Variants in OSBPL10 observed in about 807,000 individuals in gnomAD.
The protein encoded by OSBPL10 is oxysterol-binding protein-related protein 10.
OSBPL10 carries 49 observed loss-of-function variants against 81.7 expected under a neutral mutation model. That is an observed-to-expected ratio of 0.60 (90% CI 0.48 to 0.76). The LOEUF is 0.76. Among genes scored for constraint, OSBPL10 ranks in the 30% least tolerant of loss-of-function variants. The pLI, the probability that OSBPL10 is intolerant of heterozygous loss-of-function variation, is 0.00. For synonymous variants in OSBPL10, 419 were observed against 383.6 expected (o/e 1.09, Z -1.08); for missense variants, 923 against 987.8 (o/e 0.93, Z 0.88).
chr3:31,823,095 A>G (rs1700019884), intron 4 of OSBPL10, among the ~76,000 whole-genome samples: 1 of 152,122 alleles, frequency 6.6e-6, no homozygotes, highest in African/African-American at 2.4e-5. Context: ...ACTTTTCCCC[A>G]TGGTCACATA....
At chr3:31,910,602 C>A (rs1398356814) in intron 1 of OSBPL10, among the ~76,000 whole-genome samples, 2 of 151,720 alleles carry the variant, frequency 1.3e-5, no homozygotes, top group Non-Finnish European at 2.9e-5. Flanking sequence ...TGCCACTGCA[C>A]TCCAGTCTGG....
rs149669031 is a variant in OSBPL10 at position 31,831,758 on chromosome 3, C to G, written c.538-1527G>C. 3.9e-5 allele frequency among the ~76,000 whole-genome samples: 6 copies of G among 152,304 alleles called. No homozygotes were observed. In the East Asian group the frequency reaches 5.8e-4, roughly 15 times the overall value. On this transcript the variant is annotated intron_variant, in intron 3 of 11. Coordinates refer to ENST00000396556, the MANE Select transcript of OSBPL10 (RefSeq NM_017784.5). ...AGTACACAATCTGTCAACAGGGCCA[C>G]AGAGAAACGAGTTTGTGGAGGTAAA...
chr3:31,933,159 G>T (rs1697294860), intron 1 of OSBPL10, among the ~76,000 whole-genome samples: 1 of 152,120 alleles, frequency 6.6e-6, no homozygotes, highest in Non-Finnish European at 1.5e-5. Flanking sequence ...TCACTGAAAT[G>T]AGTTGTGTAA....
upstream of OSBPL10, among the ~76,000 whole-genome samples, chr3:31,983,899 C>T (rs1044001194): frequency 4.6e-5 from 7 of 152,144 alleles, no homozygotes; most frequent in African/African-American, 1.4e-4. Context: ...GCTTGTTACC[C>T]GGAAAAGCCA....
chr3:31,790,753 A>G (rs1324281198), intron 4 of OSBPL10, among the ~76,000 whole-genome samples: 1 of 152,104 alleles, frequency 6.6e-6, no homozygotes, highest in Non-Finnish European at 1.5e-5. Flanking sequence ...CCCTGATAAT[A>G]AACACCACAC....
chr3:32,051,079 T>C (rs1575092808), intron 1 of OSBPL10, among the ~76,000 whole-genome samples: 2 of 152,226 alleles, frequency 1.3e-5, no homozygotes, highest in South Asian at 4.1e-4. Context: ...CTCTTGTTTT[T>C]CTGGAAAAGA....
At chr3:31,930,077 A>C (rs147718135) in intron 1 of OSBPL10, among the ~76,000 whole-genome samples, 3 of 151,186 alleles carry the variant, frequency 2.0e-5, no homozygotes, top group Non-Finnish European at 4.4e-5. Flanking sequence ...AAGCCAAGGC[A>C]GGGGATCACT....
intron 1 of OSBPL10, among the ~76,000 whole-genome samples, chr3:31,963,116 C>G (rs1056860509): frequency 6.6e-6 from 1 of 152,042 alleles, no homozygotes; most frequent in African/African-American, 2.4e-5. Context: ...TCCTCTATCT[C>G]CCTTCACACA....
chr3:31,808,699 A>G (rs1261396407), intron 4 of OSBPL10, among the ~76,000 whole-genome samples: 1 of 152,280 alleles, frequency 6.6e-6, no homozygotes, highest in Admixed American at 6.5e-5. Flanking sequence ...CCTTTCCGAT[A>G]TTCCTAACTA....
At chr3:31,926,289 G>GCCTCC (rs1553641094) in intron 1 of OSBPL10, among the ~76,000 whole-genome samples, 1 of 130,114 alleles carries the variant, frequency 7.7e-6, no homozygotes, top group Non-Finnish European at 1.6e-5. Context: ...GGGTGATTTT[G>GCCTCC]CCCCCCCAGA....
At chr3:31,935,506 T>C (rs1008789522) in intron 1 of OSBPL10, among the ~76,000 whole-genome samples, 20 of 147,962 alleles carry the variant, frequency 1.4e-4, no homozygotes, top group African/African-American at 4.9e-4. Flanking sequence ...TCTACTCCTA[T>C]GAAATAGATT....
chr3:31,668,500 T>A (rs1575463038), intron 10 of OSBPL10, 142 bp downstream of exon 10: 1 of 738,450 alleles, frequency 1.4e-6, no homozygotes, highest in Non-Finnish European at 2.0e-6. Flanking sequence ...AGTAGAAAAT[T>A]AAAATATCTA....
At chr3:31,674,665 C>T (rs1331146354) in intron 8 of OSBPL10, among the ~76,000 whole-genome samples, 2 of 152,172 alleles carry the variant, frequency 1.3e-5, no homozygotes, top group East Asian at 1.9e-4. Context: ...CTTGCTTCTG[C>T]TCTTGCCATG....
intron 6 of OSBPL10, among the ~76,000 whole-genome samples, chr3:31,732,016 C>G (rs969462639): frequency 1.3e-5 from 2 of 152,002 alleles, no homozygotes; most frequent in Non-Finnish European, 2.9e-5. Flanking sequence ...TGTGATAGCC[C>G]CAGTTAGGTT....
chr3:31,683,226 T>C (rs1004931150), intron 8 of OSBPL10, among the ~76,000 whole-genome samples: 6 of 152,238 alleles, frequency 3.9e-5, no homozygotes, highest in Non-Finnish European at 8.8e-5. Context: ...AGATTTTGAA[T>C]AGGCAGCATG....
rs151118978 is a variant in OSBPL10, at chr3:31,866,100, G to C, written c.537+10333C>G. 5.4e-3 allele frequency among the ~76,000 whole-genome samples: 826 copies of C among 152,254 alleles called. 5 individuals are homozygous for C. The highest frequency in any genetic ancestry group is 9.6e-3 in the Non-Finnish European group (654 of 68,022). On this transcript the variant is annotated intron_variant, in intron 3 of 11. Transcript: ENST00000396556. Reference sequence around the variant, plus strand: ...ACACCCCAGGGCGGGAAAAAGTCAAGAAAGTTGTAGTCTTTCACCATCAGA... The same window carrying C: ...ACACCCCAGGGCGGGAAAAAGTCAACAAAGTTGTAGTCTTTCACCATCAGA...
rs552091927 is a variant in OSBPL10 at position 31,916,206 on chromosome 3, G to C, written c.282-36376C>G. Among the ~76,000 whole-genome samples, 6 of 152,140 alleles carry C rather than the reference G, an allele frequency of 3.9e-5. No individual in the cohort carries two copies. The South Asian group carries it at 1.0e-3, about 26-fold the overall frequency. Reference sequence around the variant, plus strand: ...ATACTGATCAAATTCTATCCAAAAGGCTATAGCACACAAACATGGATGCAC... The same window carrying C: ...ATACTGATCAAATTCTATCCAAAAGCCTATAGCACACAAACATGGATGCAC... On this transcript the variant is annotated intron_variant, in intron 1 of 11. Coordinates refer to ENST00000396556, the MANE Select transcript of OSBPL10 (RefSeq NM_017784.5).
intron 2 of OSBPL10, among the ~76,000 whole-genome samples, chr3:32,043,476 C>T (rs903731749): frequency 6.6e-6 from 1 of 152,128 alleles, no homozygotes; most frequent in African/African-American, 2.4e-5. Context: ...ACATCCTCAG[C>T]TTACGAAGAT....
At chr3:31,669,924 G>A (rs950006873) in intron 9 of OSBPL10, among the ~76,000 whole-genome samples, 1 of 152,190 alleles carries the variant, frequency 6.6e-6, no homozygotes, top group African/African-American at 2.4e-5. Flanking sequence ...GCATCTTCTG[G>A]ATTGCACACA....
Sources: gnomAD v4.1 joint callset for allele counts (sites outside exome capture counted in the v4.1 genomes callset) on GRCh38, gnomAD v4.1.1 for gene constraint, MANE v1.5 for transcripts, NCBI Gene and HGNC (gene_info 2026-07-23, HGNC 2026-07-21) for gene names.